The following CPNE5 variants were observed in gnomAD, a reference collection of about 807,000 sequenced individuals.
CPNE5 encodes copine-5.
CPNE5 carries 42 observed loss-of-function variants against 81.1 expected under a neutral mutation model. The observed-to-expected ratio is 0.52, with a 90% CI of 0.40 to 0.67. The LOEUF (loss-of-function observed/expected upper bound fraction) is 0.67, where lower values mean the gene tolerates loss of function less well. Ranked by LOEUF, CPNE5 falls within the 30% of genes least tolerant of loss-of-function variation. The pLI, the probability that CPNE5 is intolerant of heterozygous loss-of-function variation, is 0.00. For missense variants in CPNE5, 612 were observed against 815.5 expected, an observed-to-expected ratio of 0.75 and a Z score of 3.04; for synonymous variants, 313 against 321.5, an observed-to-expected ratio of 0.97 and a Z score of 0.28.
intron 3 of CPNE5, among the ~76,000 whole-genome samples, chr6:36,814,383 A>G (rs1157498127): frequency 6.6e-6 from 1 of 152,222 alleles, no homozygotes; most frequent in Non-Finnish European, 1.5e-5. Context: ...TGAATCCAAC[A>G]AACGACACAT....
In CPNE5 at chr6:36,760,372, G is replaced by C. The variant is rs149519141; in HGVS notation, c.855+2545C>G. On this transcript the variant is annotated intron_variant, in intron 12 of 20. Transcript: ENST00000244751. ...GTATCTCTTCCCACCTCCCATGTGC[G>C]AACCAGGCTAAGGAGGTGGGTGGAA... Among the ~76,000 whole-genome samples the C allele has an allele frequency of 2.1e-3, 323 of 152,264 alleles. 2 individuals carry two copies. Among genetic ancestry groups the C allele is most frequent in the African/African-American group, 7.3e-3 (302 of 41,544 alleles).
intron 12 of CPNE5, among the ~76,000 whole-genome samples, chr6:36,760,217 T>TAC (rs2150406195): frequency 7.2e-6 from 1 of 138,478 alleles, no homozygotes; most frequent in Non-Finnish European, 1.5e-5. Flanking sequence ...GACTCCATCT[T>TAC]AAAAAAAAAA....
intron 3 of CPNE5, among the ~76,000 whole-genome samples, chr6:36,819,728 C>T (rs1302111180): frequency 1.3e-5 from 2 of 152,160 alleles, no homozygotes; most frequent in Admixed American, 1.3e-4. Context: ...TGGGGACAAG[C>T]CTGCATCCTT....
chr6:36,803,445 A>G (rs1202464591), intron 3 of CPNE5, among the ~76,000 whole-genome samples: 1 of 152,224 alleles, frequency 6.6e-6, no homozygotes, highest in East Asian at 1.9e-4. Flanking sequence ...GAGCTTCTCA[A>G]GCAGGAGGAG....
chr6:36,827,314 G>A, intron 1 of CPNE5: 2 of 985,280 alleles, frequency 2.0e-6, no homozygotes, highest in African/African-American at 3.5e-5. Flanking sequence ...CTCAGAGCCT[G>A]CTAAACCTCC....
At chr6:36,836,310 T>C (rs1306348386) in intron 1 of CPNE5, among the ~76,000 whole-genome samples, 1 of 152,174 alleles carries the variant, frequency 6.6e-6, no homozygotes, top group Non-Finnish European at 1.5e-5. Context: ...TTTGCTTAGC[T>C]AGCTGAGCCC....
chr6:36,791,511 C>T (rs552132439), intron 8 of CPNE5, among the ~76,000 whole-genome samples: 1 of 152,180 alleles, frequency 6.6e-6, no homozygotes, highest in Non-Finnish European at 1.5e-5. Flanking sequence ...CCCCACAGTC[C>T]TACAGTAAAA....
At chr6:36,764,481 C>T (rs545795839) in intron 11 of CPNE5, among the ~76,000 whole-genome samples, 17 of 152,230 alleles carry the variant, frequency 1.1e-4, no homozygotes, top group Non-Finnish European at 1.6e-4. Flanking sequence ...GAGGTACCAG[C>T]GGACACTGGG....
At chr6:36,799,937 G>T in intron 4 of CPNE5, 30 bp downstream of exon 4, 1 of 1,498,522 alleles carries the variant, frequency 6.7e-7, no homozygotes, top group Non-Finnish European at 9.3e-7. Flanking sequence ...TCCCCACCTG[G>T]CTGCATCTTC....
At position 36,746,548 on chromosome 6, in the gene CPNE5, A is replaced by C; in HGVS notation, c.1048T>G (p.Tyr350Asp). The stretch of plus-strand genomic sequence containing the variant: ...GCGTTCAGCTGGTAGGGGCTCATGT[A>C]GTGCAGGGATGTGGACTGTGAGGGG... ...GNPSQSTSLH[Y>D]MSPYQLNAYA... Residue 350 changes from tyrosine (Y) to aspartate (D), a missense_variant, in exon 16 of 21, where the codon TAC becomes GAC. By Grantham distance (160) the Tyr-to-Asp change is radical. Transcript: ENST00000244751. This position sits in a 1 kb window ranked among gnomAD's most constrained non-coding sequence, Gnocchi z 4.5. 1 of 1,613,404 alleles carries C rather than the reference A, an allele frequency of 6.2e-7. No individual in the cohort carries two copies. The highest frequency in any genetic ancestry group is 1.1e-5 in the South Asian group (1 of 91,054).
chr6:36,755,958 A>G, intron 13 of CPNE5: 1 of 480,470 alleles, frequency 2.1e-6, no homozygotes, highest in Non-Finnish European at 3.7e-6. Flanking sequence ...TAGGGGCCCA[A>G]TAAATACGAC....
chr6:36,815,470 G>C (rs780168488), intron 3 of CPNE5, among the ~76,000 whole-genome samples: 5 of 152,168 alleles, frequency 3.3e-5, no homozygotes, highest in Non-Finnish European at 5.9e-5. Flanking sequence ...CTCATGAATG[G>C]GCTTAGAGTG....
At chr6:36,831,456 C>A (rs1373130431) in intron 1 of CPNE5, among the ~76,000 whole-genome samples, 5 of 151,998 alleles carry the variant, frequency 3.3e-5, no homozygotes, top group Admixed American at 6.6e-5. Context: ...CAGGTTCAAG[C>A]AATTCACCTG....
intron 8 of CPNE5, among the ~76,000 whole-genome samples, chr6:36,790,778 C>G (rs1382181944): frequency 6.6e-6 from 1 of 151,994 alleles, no homozygotes; most frequent in African/African-American, 2.4e-5. Context: ...CTCCTGACCT[C>G]GTGATCCGCC....
chr6:36,818,279 T>C (rs979558267), intron 3 of CPNE5, among the ~76,000 whole-genome samples: 18 of 152,214 alleles, frequency 1.2e-4, no homozygotes, highest in Non-Finnish European at 2.5e-4. Flanking sequence ...TTCCCTCCCC[T>C]GAACTCCCAT....
At chr6:36,801,877 C>T (rs55848445) in intron 3 of CPNE5, among the ~76,000 whole-genome samples, 3 of 152,118 alleles carry the variant, frequency 2.0e-5, no homozygotes, top group Non-Finnish European at 4.4e-5. Context: ...AGACCTGTTT[C>T]ACAACAATGC....
chr6:36,780,483 G>T (rs1486701180), intron 8 of CPNE5, among the ~76,000 whole-genome samples: 1 of 152,344 alleles, frequency 6.6e-6, no homozygotes, highest in East Asian at 1.9e-4. Context: ...CTTAAGGCAA[G>T]TTATTCACCC....
At chr6:36,764,523 G>A (rs1766369340) in intron 11 of CPNE5, among the ~76,000 whole-genome samples, 3 of 152,142 alleles carry the variant, frequency 2.0e-5, no homozygotes, top group African/African-American at 7.2e-5. Context: ...TCACTCCTTG[G>A]TAGTGCCACA....
chr6:36,776,090 C>G (rs1767474597), intron 9 of CPNE5, among the ~76,000 whole-genome samples: 2 of 152,166 alleles, frequency 1.3e-5, no homozygotes, highest in African/African-American at 4.8e-5. Flanking sequence ...AATCTGGTGT[C>G]CCTGCCCATG....
Sources: gnomAD v4.1 joint callset for allele counts (sites outside exome capture counted in the v4.1 genomes callset) on GRCh38, gnomAD v4.1.1 for gene constraint, Gnocchi (gnomAD v3.1) non-coding constraint, MANE v1.5 for transcripts, NCBI Gene and HGNC (gene_info 2026-07-23, HGNC 2026-07-21) for gene names.